The following MTUS2 variants were observed in gnomAD, a reference collection of about 807,000 sequenced individuals.
MTUS2 encodes the protein microtubule-associated tumor suppressor candidate 2.
A neutral mutation model predicts 114.1 loss-of-function variants in MTUS2; 40 were observed. That is an observed-to-expected ratio of 0.35 (90% confidence interval 0.27 to 0.46). The LOEUF (loss-of-function observed/expected upper bound fraction) is 0.46. Ranked by LOEUF, MTUS2 falls within the 20% of genes least tolerant of loss-of-function variation. The pLI, the probability that MTUS2 is intolerant of heterozygous loss-of-function variation, is 1.00. For missense variants in MTUS2, 1,679 were observed against 1,705.4 expected (o/e 0.98, Z 0.27); for synonymous variants, 688 against 672.0 (o/e 1.02, Z -0.37).
chr13:29,353,411 C>T (rs191021413), intron 7 of MTUS2, among the ~76,000 whole-genome samples: 1 of 152,304 alleles, frequency 6.6e-6, no homozygotes, highest in East Asian at 1.9e-4. Context: ...AGCAATCTTC[C>T]TGCCTCAGCC....
chr13:28,842,992 C>T (rs1399809063), intron 2 of MTUS2, among the ~76,000 whole-genome samples: 1 of 152,202 alleles, frequency 6.6e-6, no homozygotes, highest in Non-Finnish European at 1.5e-5. Flanking sequence ...TGTAGCCAGA[C>T]ATGCCTGTTG....
intron 7 of MTUS2, chr13:29,340,004 C>G (rs1901307350): frequency 6.6e-6 from 1 of 152,476 alleles, no homozygotes; most frequent in Non-Finnish European, 1.5e-5. Flanking sequence ...TTTCCGAAGT[C>G]TGCGGCCGGG....
Position 29,422,648 on chromosome 13 carries a change from C to CTTT in MTUS2, c.3118-17312_3118-17310dup, listed in dbSNP as rs11342823. On this transcript the variant is annotated intron_variant, in intron 8 of 15. Transcript: ENST00000612955. ...AGCCTGTGATGTCATGATTTCTTTT[C>CTTT]TTTTTTTTTTTTTTTTTTTTTTTTT... Among the ~76,000 whole-genome samples the CTTT allele has an allele frequency of 3.0e-3, 201 of 67,950 alleles. 1 individual carries two copies. Among genetic ancestry groups the CTTT allele is most frequent in the African/African-American group, 4.0e-3 (69 of 17,252 alleles). The allele number at this position is 67,950 out of a possible 152,430, so 44.6% of individuals were successfully genotyped here. A position where few individuals can be genotyped will look rare whatever the true frequency, so the allele number is the denominator to read the frequency against.
At chr13:29,461,333 C>G (rs11840685) in intron 9 of MTUS2, among the ~76,000 whole-genome samples, 4,224 of 152,266 alleles carry the variant, frequency 0.028, 184 homozygotes, top group African/African-American at 0.096. Context: ...GGTCCCACCT[C>G]TCAACACTGT....
intron 2 of MTUS2, among the ~76,000 whole-genome samples, chr13:29,013,538 C>A (rs1885938930): frequency 6.6e-6 from 1 of 152,190 alleles, no homozygotes. Flanking sequence ...CTTATGAAAT[C>A]ATTTTTTTAG....
chr13:29,471,966 C>T (rs1050723753), intron 9 of MTUS2, among the ~76,000 whole-genome samples: 1 of 152,150 alleles, frequency 6.6e-6, no homozygotes, highest in Non-Finnish European at 1.5e-5. Flanking sequence ...CTGCAGGGAC[C>T]TGCAGAGATG....
intron 5 of MTUS2, among the ~76,000 whole-genome samples, chr13:29,208,996 G>T (rs1464089137): frequency 6.6e-6 from 1 of 152,070 alleles, no homozygotes; most frequent in African/African-American, 2.4e-5. Flanking sequence ...CTGTCTTGAT[G>T]ACCTGCCTAG....
At chr13:29,061,875 AGG>A in intron 4 of MTUS2, among the ~76,000 whole-genome samples, 1 of 151,908 alleles carries the variant, frequency 6.6e-6, no homozygotes. Context: ...TATTCATCAA[AGG>A]TTATTAGCAT....
chr13:29,466,876 CAAAA>C (rs11296600), intron 9 of MTUS2, among the ~76,000 whole-genome samples: 1 of 87,622 alleles, frequency 1.1e-5, no homozygotes, highest in Non-Finnish European at 2.3e-5. Flanking sequence ...GACCTCATCT[CAAAA>C]AAAAAAAAAA....
chr13:29,307,879 C>G, intron 6 of MTUS2: 1 of 571,496 alleles, frequency 1.7e-6, no homozygotes, highest in South Asian at 1.9e-5. Flanking sequence ...ACTGAGAATC[C>G]CCCCTCCTCA....
At chr13:29,418,214 G>A (rs548449299) in intron 8 of MTUS2, among the ~76,000 whole-genome samples, 2 of 152,114 alleles carry the variant, frequency 1.3e-5, no homozygotes, top group Non-Finnish European at 2.9e-5. Context: ...AGTTACCTCG[G>A]TAAAAGGCAA....
chr13:29,501,168 G>A lies in MTUS2; in HGVS notation c.3870G>A (p.Arg1290=). The change falls in exon 15 of 16, where the codon AGG becomes AGA. Residue 1290 remains arginine, a synonymous_variant. Coordinates refer to ENST00000612955, the MANE Select transcript of MTUS2 (RefSeq NM_001033602.4). ...AGCAGAACGAAGACCTCAAAGCAAGGATTGACCAAAACACAGTTGTCACCA... is the reference window on the plus strand; with the variant it reads ...AGCAGAACGAAGACCTCAAAGCAAGAATTGACCAAAACACAGTTGTCACCA... The part of the protein sequence containing the change: ...LQQQNEDLKA[R]IDQNTVVTRQ... 6.2e-7 allele frequency: 1 copy of A among 1,614,126 alleles called. No homozygotes were observed. Among genetic ancestry groups the A allele is most frequent in the Non-Finnish European group, 8.5e-7 (1 of 1,180,004 alleles).
At chr13:29,222,867 G>C (rs1305040697) in intron 5 of MTUS2, among the ~76,000 whole-genome samples, 1 of 152,206 alleles carries the variant, frequency 6.6e-6, no homozygotes, top group Non-Finnish European at 1.5e-5. Flanking sequence ...CCCCAGTGCT[G>C]TCACAACCCA....
chr13:28,883,895 G>T (rs1878437970), intron 2 of MTUS2, among the ~76,000 whole-genome samples: 2 of 152,200 alleles, frequency 1.3e-5, no homozygotes, highest in Admixed American at 1.3e-4. Flanking sequence ...AATAAAAAGT[G>T]TTGGTGAGGA....
intron 7 of MTUS2, among the ~76,000 whole-genome samples, chr13:29,343,197 T>A: frequency 1.6e-5 from 1 of 63,344 alleles, no homozygotes; most frequent in African/African-American, 2.8e-5. Context: ...GAGGATTCCC[T>A]CTTTGTCTTT....
At chr13:29,006,726 C>T (rs2138404702) in intron 2 of MTUS2, among the ~76,000 whole-genome samples, 1 of 152,330 alleles carries the variant, frequency 6.6e-6, no homozygotes, top group African/African-American at 2.4e-5. Flanking sequence ...AGGGCTGTGT[C>T]TTCTAGGGAG....
chr13:29,428,490 G>A, intron 8 of MTUS2: 2 of 298,854 alleles, frequency 6.7e-6, no homozygotes, highest in Non-Finnish European at 1.2e-5. Flanking sequence ...CTTTTAGGGA[G>A]CCGGCATTGG....
chr13:29,192,102 T>TTG (rs1894472754), intron 5 of MTUS2, among the ~76,000 whole-genome samples: 2 of 152,210 alleles, frequency 1.3e-5, no homozygotes, highest in Non-Finnish European at 2.9e-5. Context: ...GGGCAAAACT[T>TTG]ATTGAGTGGT....
chr13:29,077,866 GTTGA>G (rs528174787), intron 4 of MTUS2, among the ~76,000 whole-genome samples: 6 of 152,150 alleles, frequency 3.9e-5, no homozygotes, highest in Non-Finnish European at 7.3e-5. Context: ...TATGATTTTA[GTTGA>G]TTGAGATATT....
Sources: gnomAD v4.1 joint callset for allele counts (sites outside exome capture counted in the v4.1 genomes callset) on GRCh38, gnomAD v4.1.1 for gene constraint, MANE v1.5 for transcripts, NCBI Gene and HGNC (gene_info 2026-07-23, HGNC 2026-07-21) for gene names.